The following TXLNA variants were observed in gnomAD, a reference collection of about 807,000 sequenced individuals.
TXLNA encodes the protein alpha-taxilin.
In TXLNA, 9 loss-of-function variants were observed where a neutral mutation model predicts 61.4. The ratio of observed to expected loss-of-function variants is 0.15; its 90% confidence interval spans 0.09 to 0.26. The LOEUF is 0.26. TXLNA is among the 10% of genes least tolerant of loss of function. The pLI is 1.00. For synonymous variants in TXLNA, 257 were observed against 267.7 expected (o/e 0.96, Z 0.39); for missense variants, 565 against 688.8 (o/e 0.82, Z 2.01).
At chr1:32,193,391 G>A in intron 9 of TXLNA, 91 bp downstream of exon 9, 5 of 922,804 alleles carry the variant, frequency 5.4e-6, no homozygotes, top group Non-Finnish European at 8.9e-6. Context: ...TCCCATCTGG[G>A]GTGTCTCAAG....
chr1:32,187,086 T>C (rs1642802667), intron 4 of TXLNA, among the ~76,000 whole-genome samples: 2 of 151,922 alleles, frequency 1.3e-5, no homozygotes, highest in Admixed American at 6.6e-5. Context: ...TTTTTTTTAG[T>C]AGAAACGGTT....
At chr1:32,193,793 G>T (rs1001912226) in intron 9 of TXLNA, among the ~76,000 whole-genome samples, 2 of 152,018 alleles carry the variant, frequency 1.3e-5, no homozygotes, top group Non-Finnish European at 2.9e-5. Flanking sequence ...TTGGCCTCAA[G>T]TGATCTGCCC....
At chr1:32,187,521 GAAC>G (rs1237073131) in intron 4 of TXLNA, among the ~76,000 whole-genome samples, 1 of 152,182 alleles carries the variant, frequency 6.6e-6, no homozygotes, top group Non-Finnish European at 1.5e-5. Context: ...GAGCGCTGAT[GAAC>G]GCAGCGCTAA....
At chr1:32,183,828 C>T (rs12036560) in intron 3 of TXLNA, among the ~76,000 whole-genome samples, 1 of 151,994 alleles carries the variant, frequency 6.6e-6, no homozygotes, top group Admixed American at 6.6e-5. Flanking sequence ...CCTCCGCCTC[C>T]TGGGTTCAAG....
At position 32,184,511 on chromosome 1, in the gene TXLNA, C is replaced by T; in HGVS notation, c.506-14C>T. On this transcript the variant is annotated splice_polypyrimidine_tract_variant and intron_variant, in intron 3 of 10. Coordinates refer to ENST00000373610, the MANE Select transcript of TXLNA (RefSeq NM_175852.4). Reference sequence around the variant, plus strand: ...GGAGAAGAGGGTGCATGTCTTTGCTCCTGTGCTTTTCAGGGAAGGAGATCA... The same window carrying T: ...GGAGAAGAGGGTGCATGTCTTTGCTTCTGTGCTTTTCAGGGAAGGAGATCA... 6.3e-7 allele frequency: 1 copy of T among 1,597,580 alleles called. No individual in the cohort carries two copies. The highest frequency in any genetic ancestry group is 8.6e-7 in the Non-Finnish European group (1 of 1,165,212).
Position 32,180,433 on chromosome 1 carries a change from G to A in TXLNA, c.88G>A (p.Ala30Thr). 1 of 1,613,854 alleles carries A rather than the reference G, an allele frequency of 6.2e-7. No individual in the cohort carries two copies. The highest frequency in any genetic ancestry group is 8.5e-7 in the Non-Finnish European group (1 of 1,179,884). ...ACAACCGGAAGCAGGACCCGAGGGAGCCCAGGAGCGGCCCAGCCAGGCGGC... is the reference window on the plus strand; with the variant it reads ...ACAACCGGAAGCAGGACCCGAGGGAACCCAGGAGCGGCCCAGCCAGGCGGC... ...PGQPEAGPEGAQERPSQAAPA... is the reference protein window; with the variant it reads ...PGQPEAGPEGTQERPSQAAPA... Residue 30 changes from alanine to threonine, a missense_variant, in exon 2 of 11, where the codon GCC becomes ACC. This residue lies in a region of TXLNA where 192 missense variants were observed against 184.8 expected (regional missense o/e 1.04). Transcript: ENST00000373610.
At chr1:32,194,530 T>G (rs1055078807) in intron 10 of TXLNA, among the ~76,000 whole-genome samples, 2 of 152,116 alleles carry the variant, frequency 1.3e-5, no homozygotes, top group Admixed American at 1.3e-4. Context: ...TGCTGAAAGT[T>G]TTTGGGTTTT....
Position 32,188,190 on chromosome 1 carries a change from T to C in TXLNA, c.768+66T>C. On this transcript the variant is annotated intron_variant, in intron 5 of 10. Transcript: ENST00000373610. Reference sequence around the variant, plus strand: ...TGACTTCCACTTAATGTTTCTTTCATGGGCTTTCCTCTTAAAAAGTAGTGC... The same window carrying C: ...TGACTTCCACTTAATGTTTCTTTCACGGGCTTTCCTCTTAAAAAGTAGTGC... 4.1e-6 allele frequency: 6 copies of C among 1,476,858 alleles called. No homozygotes were observed. In the South Asian group the frequency reaches 7.8e-5, roughly 19 times the overall value. The allele number at this position is 1,476,858 out of a possible 1,614,324, so 91.5% of individuals were successfully genotyped here.
At chr1:32,180,960 G>A (rs994272796) in intron 2 of TXLNA, among the ~76,000 whole-genome samples, 2 of 152,152 alleles carry the variant, frequency 1.3e-5, no homozygotes, top group Admixed American at 6.5e-5. Context: ...AATATGTTCG[G>A]GTGGTAGTGA....
Position 32,195,467 on chromosome 1 carries a change from G to C in TXLNA, c.*272G>C. 1.8e-6 allele frequency: 1 copy of C among 556,806 alleles called. No individual in the cohort carries two copies. Among genetic ancestry groups the C allele is most frequent in the East Asian group, 3.0e-5 (1 of 32,936 alleles). 34.5% of individuals were successfully genotyped at this position (556,806 alleles called of 1,614,324 possible). A position where few individuals can be genotyped will look rare whatever the true frequency, so the allele number is the denominator to read the frequency against. On this transcript the variant is annotated 3_prime_UTR_variant, in exon 11 of 11. Transcript: ENST00000373610. ...GATGAAGTCAGTGGCTTGTCTGTGAGCTGAAGAGTCTTGAGAGGGGCTGTC... is the reference window on the plus strand; with the variant it reads ...GATGAAGTCAGTGGCTTGTCTGTGACCTGAAGAGTCTTGAGAGGGGCTGTC...
Position 32,188,043 on chromosome 1 carries a change from TG to T in TXLNA, c.688del (p.Glu230SerfsTer44). The T allele has an allele frequency of 6.2e-7, 1 of 1,608,300 alleles. No individual in the cohort carries two copies. The highest frequency in any genetic ancestry group is 8.5e-7 in the Non-Finnish European group (1 of 1,177,372). On this transcript the variant is annotated frameshift_variant, in exon 5 of 11. Coordinates refer to ENST00000373610, the MANE Select transcript of TXLNA (RefSeq NM_175852.4). LOFTEE classifies it high-confidence loss of function. ...LVQEKDHLRG[E>X]HSKAVLARSK... ...TGCAAGAGAAGGACCACCTGCGCGG[TG>T]AGCACAGCAAGGCCGTCCTGGCCCG...
rs1642919132 is a variant in TXLNA, at chr1:32,192,172, T to C, written c.964-139T>C. On this transcript the variant is annotated intron_variant, in intron 6 of 10. Transcript: ENST00000373610. The surrounding 1 kb of genome is among the most constrained non-coding windows in gnomAD (Gnocchi z 4.2). ...TGACCTTCCAGAGACTTGGGGCCCA[T>C]GTTGTGTGGTACACATGGGAGTCCA... is the stretch of plus-strand genomic sequence containing the variant. 2.3e-6 allele frequency: 3 copies of C among 1,289,360 alleles called. No homozygotes were observed. Among genetic ancestry groups the C allele is most frequent in the Non-Finnish European group, 3.2e-6 (3 of 938,678 alleles). The allele number at this position is 1,289,360 out of a possible 1,614,324, so 79.9% of individuals were successfully genotyped here.
At chr1:32,182,330 T>C (rs1245416639) in intron 3 of TXLNA, among the ~76,000 whole-genome samples, 1 of 152,038 alleles carries the variant, frequency 6.6e-6, no homozygotes, top group African/African-American at 2.4e-5. Flanking sequence ...CAATGGGGAA[T>C]AGGCAGTGAC....
In TXLNA at chr1:32,188,136, C is replaced by T. The variant is rs757208103; in HGVS notation, c.768+12C>T. 3.3e-6 allele frequency: 5 copies of T among 1,534,316 alleles called. No individual in the cohort carries two copies. The highest frequency in any genetic ancestry group is 2.0e-4 in the Middle Eastern group (1 of 5,100). On this transcript the variant is annotated intron_variant, in intron 5 of 10. Transcript: ENST00000373610. The stretch of plus-strand genomic sequence containing the variant: ...ACCGCTCCCTCAAGGTAGGCCTGGG[C>T]CCCCTGGAACAGGTGACTCTGGTTT...
At position 32,180,249 on chromosome 1, in the gene TXLNA, A is replaced by G. The variant is rs998091217; in HGVS notation, c.-32-65A>G. The stretch of plus-strand genomic sequence containing the variant: ...GAAGCTTTGTGCGCCTGCTGTGGGG[A>G]TTTCTGATCCAGGCTGCGAAGAATT... On this transcript the variant is annotated intron_variant, in intron 1 of 10. Coordinates refer to ENST00000373610, the MANE Select transcript of TXLNA (RefSeq NM_175852.4). 4.9e-6 allele frequency: 7 copies of G among 1,439,874 alleles called. No homozygotes were observed. The African/African-American group carries it at 1.0e-4, about 21-fold the overall frequency. The allele number at this position is 1,439,874 out of a possible 1,614,324, so 89.2% of individuals were successfully genotyped here. A position where few individuals can be genotyped will look rare whatever the true frequency, so the allele number is the denominator to read the frequency against.
chr1:32,180,332 C>G lies in TXLNA; in HGVS notation c.-14C>G. The G allele has an allele frequency of 6.2e-7, 1 of 1,602,162 alleles. No individual in the cohort carries two copies. Among genetic ancestry groups the G allele is most frequent in the South Asian group, 1.1e-5 (1 of 89,736 alleles). ...TCTAAAGGATCTTCTCCTGACCCAG[C>G]ATCGCTCATCACAATGAAGAACCAA... On this transcript the variant is annotated 5_prime_UTR_variant, in exon 2 of 11. Coordinates refer to ENST00000373610, the MANE Select transcript of TXLNA (RefSeq NM_175852.4).
chr1:32,181,651 G>T (rs1312352824), intron 3 of TXLNA, 74 bp downstream of exon 3: 3 of 1,326,426 alleles, frequency 2.3e-6, no homozygotes, highest in Non-Finnish European at 3.0e-6. Context: ...GGGCCAGTCT[G>T]TTCTGCCAGG....
At chr1:32,182,071 CA>C (rs1203483755) in intron 3 of TXLNA, among the ~76,000 whole-genome samples, 1 of 140,530 alleles carries the variant, frequency 7.1e-6, no homozygotes, top group African/African-American at 2.7e-5. Flanking sequence ...TGAGAGCAGG[CA>C]AAACTACAGG....
Position 32,190,237 on chromosome 1 carries a change from G to A in TXLNA, c.951G>A (p.Glu317=). 6.2e-7 allele frequency: 1 copy of A among 1,601,458 alleles called. No homozygotes were observed. The highest frequency in any genetic ancestry group is 8.5e-7 in the Non-Finnish European group (1 of 1,172,912). The change falls in exon 6 of 11, where the codon GAG becomes GAA. Residue 317 remains glutamate (E), a synonymous_variant. Coordinates refer to ENST00000373610, the MANE Select transcript of TXLNA (RefSeq NM_175852.4). ...TCAAGAAGCTGATTGAGCAGTATGA[G>A]CTGCGCGAGGAGGTAAGGGTATCAC... The part of the protein sequence containing the change: ...ERLKKLIEQY[E]LREEHIDKVF...
Sources: gnomAD v4.1 joint callset for allele counts (sites outside exome capture counted in the v4.1 genomes callset) on GRCh38, gnomAD v4.1.1 for gene constraint, gnomAD v4.1.1 regional missense constraint, Gnocchi (gnomAD v3.1) non-coding constraint, MANE v1.5 for transcripts, NCBI Gene and HGNC (gene_info 2026-07-23, HGNC 2026-07-21) for gene names.